The following STPG2 variants were observed in gnomAD, a reference collection of about 807,000 sequenced individuals.
STPG2 encodes the protein sperm tail PG-rich repeat containing 2.
In STPG2, 56 loss-of-function variants were observed where a neutral mutation model predicts 54.2. The ratio of observed to expected loss-of-function variants is 1.03; its 90% CI spans 0.83 to 1.29. The LOEUF is 1.29. Ranked by LOEUF, STPG2 falls within the 50% of genes most tolerant of loss-of-function variation. The pLI is 0.00. For missense variants in STPG2, 596 were observed against 544.9 expected (o/e 1.09, Z -0.93); for synonymous variants, 200 against 181.8 (o/e 1.10, Z -0.81).
intron 6 of STPG2, among the ~76,000 whole-genome samples, chr4:97,980,474 A>G (rs891694774): frequency 2.6e-5 from 4 of 152,172 alleles, no homozygotes; most frequent in Non-Finnish European, 5.9e-5. Context: ...TGGCTGGGTC[A>G]TAAAAAATCT....
At chr4:98,052,062 G>A (rs918351958) in intron 5 of STPG2, among the ~76,000 whole-genome samples, 16 of 122,034 alleles carry the variant, frequency 1.3e-4, no homozygotes, top group Admixed American at 3.8e-4. Flanking sequence ...ACTCCAGCCT[G>A]GGCCACGAGA....
intron 8 of STPG2, among the ~76,000 whole-genome samples, chr4:97,866,420 T>C (rs747999504): frequency 2.0e-5 from 3 of 151,924 alleles, no homozygotes; most frequent in Non-Finnish European, 2.9e-5. Flanking sequence ...TAAAAGAAAA[T>C]CATTTATCCT....
chr4:97,810,389 G>A (rs556590623), intron 9 of STPG2, among the ~76,000 whole-genome samples: 5 of 151,742 alleles, frequency 3.3e-5, no homozygotes, highest in East Asian at 1.9e-4. Context: ...GCTTGAACCC[G>A]GGGGGCAGAG....
intron 4 of STPG2, among the ~76,000 whole-genome samples, chr4:97,457,549 C>A (rs976912362): frequency 5.3e-5 from 8 of 152,290 alleles, no homozygotes; most frequent in Non-Finnish European, 8.8e-5. Context: ...CCTCACACCC[C>A]CTAGGTGGAG....
chr4:97,958,263 T>C (rs537518406), intron 7 of STPG2, among the ~76,000 whole-genome samples: 59 of 152,020 alleles, frequency 3.9e-4, no homozygotes, highest in African/African-American at 1.0e-3. Flanking sequence ...TGAGCCAAGA[T>C]TGAGCCACTG....
intron 4 of STPG2, among the ~76,000 whole-genome samples, chr4:97,470,910 CTGA>C (rs1729908905): frequency 6.6e-6 from 1 of 152,120 alleles, no homozygotes; most frequent in Non-Finnish European, 1.5e-5. Context: ...TATTGACTTT[CTGA>C]TGATATGTCA....
intron 4 of STPG2, among the ~76,000 whole-genome samples, chr4:97,486,860 AACACACACAC>A (rs772458069): frequency 0.017 from 2,173 of 125,588 alleles, 59 homozygotes; most frequent in African/African-American, 0.061. Context: ...TATGTATACA[AACACACACAC>A]ACACACACAC....
chr4:97,891,663 C>G (rs771644924), intron 8 of STPG2, among the ~76,000 whole-genome samples: 2 of 151,758 alleles, frequency 1.3e-5, no homozygotes, highest in Admixed American at 1.3e-4. Flanking sequence ...CATTTTCCTA[C>G]AAGTAGAAAA....
intron 10 of STPG2, among the ~76,000 whole-genome samples, chr4:97,665,533 G>A (rs113103801): frequency 0.012 from 1,848 of 152,210 alleles, 31 homozygotes; most frequent in African/African-American, 0.042. Context: ...GGCATCAGAG[G>A]AGAGGAATTA....
At chr4:97,471,742 CTT>C (rs1462333011) in intron 4 of STPG2, among the ~76,000 whole-genome samples, 4 of 151,928 alleles carry the variant, frequency 2.6e-5, no homozygotes, top group Admixed American at 6.6e-5. Flanking sequence ...AAAAATAAAA[CTT>C]AATATTCCAA....
chr4:97,903,289 T>A (rs954331999), intron 8 of STPG2, among the ~76,000 whole-genome samples: 4 of 152,166 alleles, frequency 2.6e-5, no homozygotes, highest in African/African-American at 7.2e-5. Context: ...GCAATTATTC[T>A]ACAATGTATG....
At chr4:97,876,610 C>T (rs1730179767) in intron 8 of STPG2, among the ~76,000 whole-genome samples, 1 of 151,918 alleles carries the variant, frequency 6.6e-6, no homozygotes, top group South Asian at 2.1e-4. Flanking sequence ...AATATCTTTT[C>T]CATACTAATC....
At chr4:97,534,528 A>G (rs765644723) in intron 4 of STPG2, among the ~76,000 whole-genome samples, 19 of 152,250 alleles carry the variant, frequency 1.2e-4, no homozygotes, top group Non-Finnish European at 2.6e-4. Flanking sequence ...ATTTTTTGAA[A>G]AGACTTTTTT....
downstream of STPG2, chr4:97,558,845 A>C (rs1167656477): frequency 1.9e-6 from 1 of 513,104 alleles, no homozygotes; most frequent in African/African-American, 2.0e-5. Context: ...ATAACAGATA[A>C]ATAATACAAT....
intron 8 of STPG2, among the ~76,000 whole-genome samples, chr4:97,864,273 CA>C (rs1237845934): frequency 6.7e-6 from 1 of 148,712 alleles, no homozygotes; most frequent in Non-Finnish European, 1.5e-5. Flanking sequence ...AATCAATGTG[CA>C]AAAATCACAA....
intron 9 of STPG2, among the ~76,000 whole-genome samples, chr4:97,836,713 C>G (rs1239706650): frequency 6.6e-6 from 1 of 151,432 alleles, no homozygotes; most frequent in East Asian, 1.9e-4. Context: ...TTCCTTCTTC[C>G]TCTATTAATC....
intron 4 of STPG2, among the ~76,000 whole-genome samples, chr4:97,539,579 C>A (rs1445448122): frequency 2.0e-5 from 3 of 152,090 alleles, no homozygotes; most frequent in African/African-American, 7.2e-5. Flanking sequence ...CTTAGACTCG[C>A]ACACAATAAT....
chr4:97,680,295 T>C (rs1471712052), intron 10 of STPG2, among the ~76,000 whole-genome samples: 3 of 151,502 alleles, frequency 2.0e-5, no homozygotes, highest in Non-Finnish European at 2.9e-5. Flanking sequence ...TATCCTCTTT[T>C]ATTTCATTGA....
intron 10 of STPG2, among the ~76,000 whole-genome samples, chr4:97,675,914 A>G (rs1365049550): frequency 6.8e-6 from 1 of 146,828 alleles, no homozygotes; most frequent in African/African-American, 2.5e-5. Flanking sequence ...TATATAGTGT[A>G]TATATATACA....
Sources: allele counts gnomAD v4.1 joint callset (sites outside exome capture counted in the v4.1 genomes callset), GRCh38; gene constraint gnomAD v4.1.1; transcripts MANE v1.5; gene names NCBI Gene and HGNC (gene_info 2026-07-23, HGNC 2026-07-21).